Variants in HIVEP2 observed in about 807,000 individuals in gnomAD.
HIVEP2 encodes HIVEP zinc finger 2, also known as transcription factor HIVEP2.
HIVEP2 carries 14 observed loss-of-function variants against 180.7 expected under a neutral mutation model. The ratio of observed to expected loss-of-function variants is 0.08; its 90% CI spans 0.05 to 0.12. HIVEP2 has a LOEUF of 0.12. HIVEP2 is among the 10% of genes least tolerant of loss of function. HIVEP2 has a pLI of 1.00. For synonymous variants in HIVEP2, 1,184 were observed against 1,136.4 expected (o/e 1.04, Z -0.84); for missense variants, 2,579 against 3,008.5 (o/e 0.86, Z 3.34).
At chr6:142,758,667 CTACTG>C (rs557382032) in intron 9 of HIVEP2, among the ~76,000 whole-genome samples, 14,438 of 152,216 alleles carry the variant, frequency 0.095, 914 homozygotes, top group South Asian at 0.13. Context: ...ACATCACAGT[CTACTG>C]AGCCGTGGAA....
chr6:142,923,119 G>A (rs1192778306), intron 1 of HIVEP2, among the ~76,000 whole-genome samples: 5 of 152,154 alleles, frequency 3.3e-5, no homozygotes, highest in African/African-American at 1.2e-4. Context: ...TGGATCACGA[G>A]GTCAGGAGTT....
intron 1 of HIVEP2, among the ~76,000 whole-genome samples, chr6:142,932,745 A>G (rs1053594536): frequency 6.6e-6 from 1 of 152,230 alleles, no homozygotes; most frequent in Non-Finnish European, 1.5e-5. Flanking sequence ...AGGCCTCCCT[A>G]AGAAATAAAA....
chr6:142,799,142 A>C (rs1197243097), intron 2 of HIVEP2, among the ~76,000 whole-genome samples: 1 of 152,208 alleles, frequency 6.6e-6, no homozygotes, highest in Non-Finnish European at 1.5e-5. Flanking sequence ...AATACTGAAA[A>C]CATGAAATAT....
intron 2 of HIVEP2, among the ~76,000 whole-genome samples, chr6:142,819,983 G>C (rs1471615576): frequency 6.6e-6 from 1 of 152,078 alleles, no homozygotes; most frequent in Non-Finnish European, 1.5e-5. Flanking sequence ...CAAATCTGTG[G>C]TGCTAATCAA....
intron 1 of HIVEP2, among the ~76,000 whole-genome samples, chr6:142,932,207 C>T (rs534175958): frequency 6.6e-6 from 1 of 152,226 alleles, no homozygotes; most frequent in East Asian, 1.9e-4. Flanking sequence ...ATTTTATGTT[C>T]TACTTACATT....
chr6:142,793,683 C>T (rs867465391), intron 2 of HIVEP2, among the ~76,000 whole-genome samples: 1,252 of 120,414 alleles, frequency 0.01, 20 homozygotes, highest in Middle Eastern at 0.018. Context: ...TTCTCTCTCT[C>T]TCTCTCTCTC....
At chr6:142,850,210 G>A (rs1358152106) in intron 1 of HIVEP2, among the ~76,000 whole-genome samples, 1 of 152,074 alleles carries the variant, frequency 6.6e-6, no homozygotes, top group Non-Finnish European at 1.5e-5. Context: ...AATTTTTCTA[G>A]TTGAGAGACC....
chr6:142,770,388 A>G lies in HIVEP2; in HGVS notation c.4351T>C (p.Phe1451Leu). The G allele has an allele frequency of 6.2e-7, 1 of 1,614,134 alleles. No homozygotes were observed. Among genetic ancestry groups the G allele is most frequent in the Non-Finnish European group, 8.5e-7 (1 of 1,180,030 alleles). Reference sequence around the variant, plus strand: ...CTTTTCTGCTGCTTGGTTTCCATGAAGAGCTCCAAGCTACTGGCTGGAGAA... The same window carrying G: ...CTTTTCTGCTGCTTGGTTTCCATGAGGAGCTCCAAGCTACTGGCTGGAGAA... The part of the protein sequence containing the change: ...MLSPASSLEL[F>L]METKQQKRVK... Residue 1451 changes from phenylalanine to leucine, a missense_variant, in exon 5 of 10, where the codon TTC becomes CTC. Coordinates refer to ENST00000367603, the MANE Select transcript of HIVEP2 (RefSeq NM_006734.4). This position sits in a 1 kb window ranked among gnomAD's most constrained non-coding sequence, Gnocchi z 4.7.
chr6:142,910,797 C>T (rs1777383146), intron 1 of HIVEP2, among the ~76,000 whole-genome samples: 2 of 152,106 alleles, frequency 1.3e-5, no homozygotes, highest in Non-Finnish European at 2.9e-5. Context: ...CCTAATTTAC[C>T]TCTTAACATT....
chr6:142,753,704 A>T lies in HIVEP2; in HGVS notation c.6744T>A (p.His2248Gln). The change falls in exon 10 of 10, where the codon CAT (histidine) becomes CAA (glutamine). Residue 2248 changes from histidine to glutamine, a missense_variant. His to Gln is a conservative substitution (Grantham distance 24, BLOSUM62 0). Around this residue, in one of 11 missense-constraint regions of HIVEP2, gnomAD observed 660 missense variants for 731.7 expected, o/e 0.90. Transcript: ENST00000367603. The part of the protein sequence containing the change: ...HSMPPALSSL[H>Q]PSPTLPLPME... ...TTGGCAGGGGCAATGTGGGTGAAGG[A>T]TGTAAACTGGAAAGGGCTGGCGGCA... The T allele has an allele frequency of 1.2e-6, 2 of 1,614,130 alleles. No homozygotes were observed. The highest frequency in any genetic ancestry group is 1.7e-6 in the Non-Finnish European group (2 of 1,180,014).
intron 2 of HIVEP2, among the ~76,000 whole-genome samples, chr6:142,802,516 A>T (rs1307932085): frequency 2.6e-5 from 4 of 152,010 alleles, no homozygotes; most frequent in Admixed American, 2.6e-4. Context: ...TTGGCCATGA[A>T]GTAATAAAGG....
chr6:142,893,886 T>G (rs535544817), intron 1 of HIVEP2, among the ~76,000 whole-genome samples: 1 of 152,268 alleles, frequency 6.6e-6, no homozygotes, highest in East Asian at 1.9e-4. Context: ...AATATATTAT[T>G]CTAAGGGTTC....
At chr6:142,855,369 C>A (rs1679315030) in intron 1 of HIVEP2, among the ~76,000 whole-genome samples, 1 of 152,186 alleles carries the variant, frequency 6.6e-6, no homozygotes, top group African/African-American at 2.4e-5. Context: ...TCCACACTGG[C>A]CTCTTCCGCT....
chr6:142,815,298 G>T (rs1776804900), intron 2 of HIVEP2, among the ~76,000 whole-genome samples: 1 of 152,132 alleles, frequency 6.6e-6, no homozygotes, highest in Non-Finnish European at 1.5e-5. Flanking sequence ...GCTGATTGGG[G>T]GACAGAATCA....
intron 1 of HIVEP2, among the ~76,000 whole-genome samples, chr6:142,918,176 CTCCCTATTTATTTT>C (rs1029696005): frequency 6.6e-6 from 1 of 151,982 alleles, no homozygotes; most frequent in Non-Finnish European, 1.5e-5. Context: ...TCCTCTTTGC[CTCCCTATTTATTTT>C]TCCCTATTTA....
At position 142,760,431 on chromosome 6, in the gene HIVEP2, C is replaced by G; in HGVS notation, c.5857G>C (p.Val1953Leu). The G allele has an allele frequency of 6.2e-7, 1 of 1,614,132 alleles. No individual in the cohort carries two copies. The highest frequency in any genetic ancestry group is 1.3e-5 in the African/African-American group (1 of 75,012). ...FSSLPVNVGAVPHGVPSDSSL... is the reference protein window; with the variant it reads ...FSSLPVNVGALPHGVPSDSSL... The stretch of plus-strand genomic sequence containing the variant: ...CTATCTGAAGGAACCCCGTGGGGTA[C>G]GGCGCCAACATTCACAGGCAAGGAG... Residue 1953 changes from valine to leucine, a missense_variant, in exon 9 of 10, where the codon GTA (valine) becomes CTA (leucine). Around this residue, in one of 11 missense-constraint regions of HIVEP2, gnomAD observed 660 missense variants for 731.7 expected, o/e 0.90. Coordinates refer to ENST00000367603, the MANE Select transcript of HIVEP2 (RefSeq NM_006734.4).
Position 142,772,841 on chromosome 6 carries a change from C to A in HIVEP2, c.1898G>T (p.Arg633Met). ...LKEKKLSPGD[R>M]VGYDYDVCRK... ...ACAGACATCATAGTCATACCCAACC[C>A]TGTCCCCAGGAGACAATTTCTTTTC... The change falls in exon 5 of 10, where the codon AGG becomes ATG. Residue 633 changes from arginine to methionine, a missense_variant. This residue lies in a region of HIVEP2 where 524 missense variants were observed against 563.6 expected (regional missense o/e 0.93). Coordinates refer to ENST00000367603, the MANE Select transcript of HIVEP2 (RefSeq NM_006734.4). This position sits in a 1 kb window ranked among gnomAD's most constrained non-coding sequence, Gnocchi z 4.9. 2 of 1,614,224 alleles carry A rather than the reference C, an allele frequency of 1.2e-6. No individual in the cohort carries two copies. The highest frequency in any genetic ancestry group is 1.7e-6 in the Non-Finnish European group (2 of 1,180,042).
At chr6:142,896,357 C>T (rs897406475) in intron 1 of HIVEP2, among the ~76,000 whole-genome samples, 34 of 152,292 alleles carry the variant, frequency 2.2e-4, no homozygotes, top group Admixed American at 1.1e-3. Flanking sequence ...CTTTGTCTTG[C>T]CAGCATCCCA....
intron 9 of HIVEP2, among the ~76,000 whole-genome samples, chr6:142,755,969 T>C (rs1775055709): frequency 6.6e-6 from 1 of 152,090 alleles, no homozygotes; most frequent in Admixed American, 6.6e-5. Context: ...TGCAATCCTA[T>C]TGTTTTGTAA....
Sources: gnomAD v4.1 joint callset for allele counts (sites outside exome capture counted in the v4.1 genomes callset) on GRCh38, gnomAD v4.1.1 for gene constraint, gnomAD v4.1.1 regional missense constraint, Gnocchi (gnomAD v3.1) non-coding constraint, MANE v1.5 for transcripts, NCBI Gene and HGNC (gene_info 2026-07-23, HGNC 2026-07-21) for gene names.